Variants in PIK3CG observed in about 807,000 individuals in gnomAD.
PIK3CG encodes phosphatidylinositol 4,5-bisphosphate 3-kinase catalytic subunit gamma isoform.
In PIK3CG, 55 loss-of-function variants were observed where a neutral mutation model predicts 102.3. That is an observed-to-expected ratio of 0.54 (90% CI 0.43 to 0.67). PIK3CG has a LOEUF of 0.67. PIK3CG is among the 30% of genes least tolerant of loss of function. PIK3CG has a pLI of 0.00. For synonymous variants in PIK3CG, 552 were observed against 540.0 expected (o/e 1.02, Z -0.31); for missense variants, 1,258 against 1,391.8 (o/e 0.90, Z 1.53).
intron 10 of PIK3CG, 90 bp downstream of exon 10, chr7:106,886,382 G>A: frequency 7.4e-7 from 1 of 1,358,664 alleles, no homozygotes; most frequent in Non-Finnish European, 1.0e-6. Context: ...CACTCAGCTT[G>A]GAGGCCAGTC....
Position 106,897,777 on chromosome 7 carries a change from A to G in PIK3CG, c.3031-7332A>G, listed in dbSNP as rs1791445632. Among the ~76,000 whole-genome samples, 1 of 152,160 alleles carries G rather than the reference A, an allele frequency of 6.6e-6. No homozygotes were observed. Among genetic ancestry groups the G allele is most frequent in the African/African-American group, 2.4e-5 (1 of 41,448 alleles). On this transcript the variant is annotated intron_variant, in intron 10 of 10. Transcript: ENST00000496166. This position sits in a 1 kb window ranked among gnomAD's most constrained non-coding sequence, Gnocchi z 4.6. The stretch of plus-strand genomic sequence containing the variant: ...GTACCACATTTTCTTTAATCAGCCT[A>G]TCATTGATGGGCGTTTAGGTTGATT...
rs748403933 is a variant in PIK3CG at position 106,905,969 on chromosome 7, A to T, written c.*582A>T. On this transcript the variant is annotated 3_prime_UTR_variant, in exon 11 of 11. Transcript: ENST00000496166. This position sits in a 1 kb window ranked among gnomAD's most constrained non-coding sequence, Gnocchi z 5.6. ...TTGTCATGTATAACTGAGACACACA[A>T]ACACAGCAGGAGAAATCTAAACCGT... is the stretch of plus-strand genomic sequence containing the variant. 55 of 228,788 alleles carry T rather than the reference A, an allele frequency of 2.4e-4. No individual in the cohort carries two copies. The highest frequency in any genetic ancestry group is 4.3e-4 in the Non-Finnish European group (50 of 115,590). The allele number at this position is 228,788 out of a possible 1,614,324, so 14.2% of individuals were successfully genotyped here. A position where few individuals can be genotyped will look rare whatever the true frequency, so the allele number is the denominator to read the frequency against.
At chr7:106,898,585 T>C (rs993483480) in intron 10 of PIK3CG, among the ~76,000 whole-genome samples, 3 of 152,308 alleles carry the variant, frequency 2.0e-5, no homozygotes, top group Middle Eastern at 3.4e-3. Context: ...CCAGCTTCAA[T>C]CTTCTGCATA....
chr7:106,906,503 A>C lies in PIK3CG; in HGVS notation c.*1116A>C, dbSNP rs1056034178. On this transcript the variant is annotated 3_prime_UTR_variant, in exon 11 of 11. Transcript: ENST00000496166. ...TTAAAAATATTCCAAGTTAGGAAGAACACTACTTGCCTTATCCATTTCCCA... is the reference window on the plus strand; with the variant it reads ...TTAAAAATATTCCAAGTTAGGAAGACCACTACTTGCCTTATCCATTTCCCA... 3.9e-5 allele frequency: 9 copies of C among 230,330 alleles called. No homozygotes were observed. The highest frequency in any genetic ancestry group is 2.0e-4 in the African/African-American group (9 of 45,202). 14.3% of individuals were successfully genotyped at this position (230,330 alleles called of 1,614,324 possible).
rs906620925 is a variant in PIK3CG, at chr7:106,867,367, C to T, written c.-12-183C>T. Among the ~76,000 whole-genome samples the T allele has an allele frequency of 6.6e-6, 1 of 152,160 alleles. No individual in the cohort carries two copies. The highest frequency in any genetic ancestry group is 1.9e-4 in the East Asian group (1 of 5,182). On this transcript the variant is annotated intron_variant, in intron 1 of 10. Coordinates refer to ENST00000496166, the MANE Select transcript of PIK3CG (RefSeq NM_001282426.2). The surrounding 1 kb of genome is among the most constrained non-coding windows in gnomAD (Gnocchi z 5.1). ...GAAAGTAAGTGGCTGGGCCAGGACT[C>T]ACCGGCCCGACTCCAAAGCCCACGC...
At chr7:106,873,806 A>G (rs1394435719) in intron 4 of PIK3CG, among the ~76,000 whole-genome samples, 6 of 151,910 alleles carry the variant, frequency 3.9e-5, no homozygotes, top group Non-Finnish European at 8.8e-5. Flanking sequence ...TCTTATTCCT[A>G]CCCTAAGAAA....
chr7:106,867,653 G>T lies in PIK3CG; in HGVS notation c.92G>T (p.Ser31Ile), dbSNP rs1196336571. 1 of 1,613,380 alleles carries T rather than the reference G, an allele frequency of 6.2e-7. No individual in the cohort carries two copies. The highest frequency in any genetic ancestry group is 1.1e-5 in the South Asian group (1 of 91,082). The change falls in exon 2 of 11, where the codon AGC becomes ATC. Residue 31 changes from serine to isoleucine, a missense_variant. Ser to Ile is a moderately radical substitution (Grantham distance 142, BLOSUM62 -2). Transcript: ENST00000496166. The surrounding 1 kb of genome is among the most constrained non-coding windows in gnomAD (Gnocchi z 5.1). ...RRMKPRSAAA[S>I]LSSMELIPIE... Reference sequence around the variant, plus strand: ...ATGAAGCCGCGCAGTGCTGCGGCCAGCCTGTCCTCCATGGAGCTCATCCCC... The same window carrying T: ...ATGAAGCCGCGCAGTGCTGCGGCCATCCTGTCCTCCATGGAGCTCATCCCC...
chr7:106,885,631 C>T (rs1791064093), intron 9 of PIK3CG, among the ~76,000 whole-genome samples: 1 of 151,776 alleles, frequency 6.6e-6, no homozygotes, highest in South Asian at 2.1e-4. Flanking sequence ...AGAAATTGAC[C>T]CAAAGGAGAC....
Position 106,869,113 on chromosome 7 carries a change from A to G in PIK3CG, c.1552A>G (p.Ile518Val), listed in dbSNP as rs752605566. The change falls in exon 2 of 11, where the codon ATT becomes GTT. Residue 518 changes from isoleucine to valine, a missense_variant. By Grantham distance (29) the Ile-to-Val change is conservative (BLOSUM62 3). This residue lies in a region of PIK3CG where 832 missense variants were observed against 787.5 expected (regional missense o/e 1.06). Coordinates refer to ENST00000496166, the MANE Select transcript of PIK3CG (RefSeq NM_001282426.2). This position sits in a 1 kb window ranked among gnomAD's most constrained non-coding sequence, Gnocchi z 5.3. ...CAAGGAGAACTCAATGTCCATCTCCATTCTTCTGGACAATTACTGCCACCC... is the reference window on the plus strand; with the variant it reads ...CAAGGAGAACTCAATGTCCATCTCCGTTCTTCTGGACAATTACTGCCACCC... ...PDKENSMSIS[I>V]LLDNYCHPIA... 4 of 1,614,076 alleles carry G rather than the reference A, an allele frequency of 2.5e-6. No homozygotes were observed. The highest frequency in any genetic ancestry group is 1.3e-5 in the African/African-American group (1 of 74,908).
intron 10 of PIK3CG, among the ~76,000 whole-genome samples, chr7:106,896,195 G>A (rs1038975568): frequency 2.5e-4 from 38 of 152,146 alleles, no homozygotes; most frequent in Non-Finnish European, 4.0e-4. Context: ...GGTACAGCAG[G>A]GATAGGTGAA....
chr7:106,876,136 G>A (rs901522972), intron 5 of PIK3CG, among the ~76,000 whole-genome samples: 5 of 150,232 alleles, frequency 3.3e-5, no homozygotes, highest in Admixed American at 2.0e-4. Context: ...GGATGGTCTC[G>A]ATCTCCTGAC....
rs1790654802 is a variant in PIK3CG, at chr7:106,874,550, T to G, written c.2288-150T>G. 1 of 619,638 alleles carries G rather than the reference T, an allele frequency of 1.6e-6. No homozygotes were observed. Among genetic ancestry groups the G allele is most frequent in the Non-Finnish European group, 2.8e-6 (1 of 353,748 alleles). 38.4% of individuals were successfully genotyped at this position (619,638 alleles called of 1,614,324 possible). A position where few individuals can be genotyped will look rare whatever the true frequency, so the allele number is the denominator to read the frequency against. ...CTTGCCACCTCATATGGTTAGCTCC[T>G]CAAAGGCAGGGCCCACCCACATTTC... On this transcript the variant is annotated intron_variant, in intron 4 of 10. Transcript: ENST00000496166. The surrounding 1 kb of genome is among the most constrained non-coding windows in gnomAD (Gnocchi z 4.3).
chr7:106,874,636 G>T lies in PIK3CG; in HGVS notation c.2288-64G>T. 9.6e-7 allele frequency: 1 copy of T among 1,044,012 alleles called. No individual in the cohort carries two copies. Among genetic ancestry groups the T allele is most frequent in the South Asian group, 1.3e-5 (1 of 76,688 alleles). 64.7% of individuals were successfully genotyped at this position (1,044,012 alleles called of 1,614,324 possible). ...ATGAATAAATGTGTTCTCAGGAAAT[G>T]TAATAGATAATATTGATGATTTCTG... On this transcript the variant is annotated intron_variant, in intron 4 of 10. Coordinates refer to ENST00000496166, the MANE Select transcript of PIK3CG (RefSeq NM_001282426.2). The surrounding 1 kb of genome is among the most constrained non-coding windows in gnomAD (Gnocchi z 4.3).
At position 106,868,285 on chromosome 7, in the gene PIK3CG, G is replaced by A. The variant is rs1280517942; in HGVS notation, c.724G>A (p.Gly242Ser). The A allele has an allele frequency of 2.5e-6, 4 of 1,614,010 alleles. No homozygotes were observed. Among genetic ancestry groups the A allele is most frequent in the Admixed American group, 1.7e-5 (1 of 60,024 alleles). Residue 242 changes from glycine (G) to serine (S), a missense_variant, in exon 2 of 11, where the codon GGC (glycine) becomes AGC (serine). By Grantham distance (56) the Gly-to-Ser change is moderately conservative. Around this residue, in one of 2 missense-constraint regions of PIK3CG, gnomAD observed 832 missense variants for 787.5 expected, o/e 1.06. Coordinates refer to ENST00000496166, the MANE Select transcript of PIK3CG (RefSeq NM_001282426.2). This position sits in a 1 kb window ranked among gnomAD's most constrained non-coding sequence, Gnocchi z 6.2. Reference sequence around the variant, plus strand: ...TAAGGTCTCACCCGACGACACCCCCGGCGCCATCCTGCAGAGCTTCTTCAC... The same window carrying A: ...TAAGGTCTCACCCGACGACACCCCCAGCGCCATCCTGCAGAGCTTCTTCAC... ...TIKVSPDDTPGAILQSFFTKM... is the reference protein window; with the variant it reads ...TIKVSPDDTPSAILQSFFTKM...
At position 106,903,397 on chromosome 7, in the gene PIK3CG, C is replaced by T. The variant is rs1202504433; in HGVS notation, c.3031-1712C>T. Among the ~76,000 whole-genome samples, 1 of 151,900 alleles carries T rather than the reference C, an allele frequency of 6.6e-6. No homozygotes were observed. The highest frequency in any genetic ancestry group is 1.9e-4 in the East Asian group (1 of 5,202). On this transcript the variant is annotated intron_variant, in intron 10 of 10. Coordinates refer to ENST00000496166, the MANE Select transcript of PIK3CG (RefSeq NM_001282426.2). The surrounding 1 kb of genome is among the most constrained non-coding windows in gnomAD (Gnocchi z 4.3). Reference sequence around the variant, plus strand: ...TAAGAATAATTTATATCATTATAAGCAGTCTTGTCACTGAGGGATGTTCAA... The same window carrying T: ...TAAGAATAATTTATATCATTATAAGTAGTCTTGTCACTGAGGGATGTTCAA...
chr7:106,905,678 G>T lies in PIK3CG; in HGVS notation c.*291G>T. 1 of 360,064 alleles carries T rather than the reference G, an allele frequency of 2.8e-6. No individual in the cohort carries two copies. The highest frequency in any genetic ancestry group is 5.0e-6 in the Non-Finnish European group (1 of 200,198). The allele number at this position is 360,064 out of a possible 1,614,324, so 22.3% of individuals were successfully genotyped here. On this transcript the variant is annotated 3_prime_UTR_variant, in exon 11 of 11. Coordinates refer to ENST00000496166, the MANE Select transcript of PIK3CG (RefSeq NM_001282426.2). This position sits in a 1 kb window ranked among gnomAD's most constrained non-coding sequence, Gnocchi z 5.6. Reference sequence around the variant, plus strand: ...GACTAATGACTTCCTTATTGTCCCTGATATTTTGACTATCTTACTATTGAG... The same window carrying T: ...GACTAATGACTTCCTTATTGTCCCTTATATTTTGACTATCTTACTATTGAG...
Position 106,897,741 on chromosome 7 carries a change from A to G in PIK3CG, c.3031-7368A>G, listed in dbSNP as rs1791444144. On this transcript the variant is annotated intron_variant, in intron 10 of 10. Coordinates refer to ENST00000496166, the MANE Select transcript of PIK3CG (RefSeq NM_001282426.2). The surrounding 1 kb of genome is among the most constrained non-coding windows in gnomAD (Gnocchi z 4.6). The stretch of plus-strand genomic sequence containing the variant: ...CTTTTTTATGGCTGCATAGTATTCC[A>G]TGGTGTATATGTACCACATTTTCTT... 6.6e-6 allele frequency among the ~76,000 whole-genome samples: 1 copy of G among 152,156 alleles called. No individual in the cohort carries two copies. Among genetic ancestry groups the G allele is most frequent in the South Asian group, 2.1e-4 (1 of 4,834 alleles).
At chr7:106,870,479 A>G (rs192154808) in intron 2 of PIK3CG, among the ~76,000 whole-genome samples, 1 of 152,358 alleles carries the variant, frequency 6.6e-6, no homozygotes, top group Non-Finnish European at 1.5e-5. Context: ...TAATTCAACA[A>G]CATGTACTGA....
At chr7:106,887,761 A>C (rs1442682533) in intron 10 of PIK3CG, among the ~76,000 whole-genome samples, 1 of 152,060 alleles carries the variant, frequency 6.6e-6, no homozygotes, top group Non-Finnish European at 1.5e-5. Context: ...TTCCAAAAAA[A>C]AAGAAAGCCC....
Sources: gnomAD v4.1 joint callset for allele counts (sites outside exome capture counted in the v4.1 genomes callset) on GRCh38, gnomAD v4.1.1 for gene constraint, gnomAD v4.1.1 regional missense constraint, Gnocchi (gnomAD v3.1) non-coding constraint, MANE v1.5 for transcripts, NCBI Gene and HGNC (gene_info 2026-07-23, HGNC 2026-07-21) for gene names.